The following MOK variants were observed in gnomAD, a reference collection of about 807,000 sequenced individuals.
MOK encodes MOK protein kinase.
Under a neutral mutation model 54.2 loss-of-function variants are expected in MOK, and 59 were observed. The observed-to-expected ratio is 1.09, with a 90% CI of 0.88 to 1.35. The LOEUF (loss-of-function observed/expected upper bound fraction) is 1.35, where lower values mean the gene tolerates loss of function less well. Ranked by LOEUF, MOK falls within the 40% of genes most tolerant of loss-of-function variation. The pLI is 0.00. For missense variants in MOK, 517 were observed against 526.2 expected (o/e 0.98, Z 0.17); for synonymous variants, 210 against 202.7 (o/e 1.04, Z -0.31).
chr14:102,294,376 G>GCGGAGCTGGCAGTGAGC (rs1301463580), intron 1 of MOK, among the ~76,000 whole-genome samples: 1 of 151,634 alleles, frequency 6.6e-6, no homozygotes, highest in Non-Finnish European at 1.5e-5. Flanking sequence ...AACCCGGGAG[G>GCGGAGCTGGCAGTGAGC]CGGAGCTGGC....
intron 2 of MOK, among the ~76,000 whole-genome samples, chr14:102,270,018 T>C (rs2068225866): frequency 6.6e-6 from 1 of 152,214 alleles, no homozygotes; most frequent in African/African-American, 2.4e-5. Context: ...ATATAGATAA[T>C]GTGCTGGACC....
At chr14:102,291,939 C>T (rs866358157) in intron 1 of MOK, among the ~76,000 whole-genome samples, 78 of 148,410 alleles carry the variant, frequency 5.3e-4, no homozygotes, top group Admixed American at 8.1e-4. Context: ...GCCTGGGCAA[C>T]AGAGCAAAAC....
chr14:102,295,879 T>G (rs2071364897), intron 1 of MOK, among the ~76,000 whole-genome samples: 1 of 152,230 alleles, frequency 6.6e-6, no homozygotes, highest in Non-Finnish European at 1.5e-5. Context: ...CTCACATCTG[T>G]AATCCTAACA....
downstream of MOK, among the ~76,000 whole-genome samples, chr14:102,220,870 G>A (rs1193562614): frequency 6.6e-6 from 1 of 152,154 alleles, no homozygotes; most frequent in Non-Finnish European, 1.5e-5. The surrounding 1 kb of genome is among the most constrained non-coding windows in gnomAD (Gnocchi z 4.2). Flanking sequence ...CTGGGCTCAA[G>A]CCATCCTCCT....
At chr14:102,275,594 G>A (rs1337517676) in intron 2 of MOK, among the ~76,000 whole-genome samples, 2 of 146,284 alleles carry the variant, frequency 1.4e-5, no homozygotes, top group East Asian at 2.0e-4. Context: ...ATGGATCACA[G>A]ACCTAAATGT....
rs149861570 is a variant in MOK at position 102,289,380 on chromosome 14, G to A, written c.8-5788C>T. On this transcript the variant is annotated intron_variant, in intron 1 of 11. Coordinates refer to ENST00000361847, the MANE Select transcript of MOK (RefSeq NM_014226.3). ...ATCTCATTAATGGCAGAATATGCAC[G>A]TCTACAAATCCCTACTGCTAAGGTG... 6.6e-5 allele frequency among the ~76,000 whole-genome samples: 10 copies of A among 152,230 alleles called. No homozygotes were observed. In the East Asian group the frequency reaches 1.3e-3, roughly 21 times the overall value.
the MOK span, among the ~76,000 whole-genome samples, chr14:102,217,482 C>T: frequency 6.6e-6 from 1 of 152,204 alleles, no homozygotes; most frequent in African/African-American, 2.4e-5. Flanking sequence ...TGGCCCCTCA[C>T]TGTCACCTGT....
chr14:102,234,436 C>G (rs998331046), intron 7 of MOK, among the ~76,000 whole-genome samples: 9 of 152,152 alleles, frequency 5.9e-5, no homozygotes, highest in African/African-American at 2.2e-4. Flanking sequence ...CGTCCATCTC[C>G]CATTTCCGAA....
At chr14:102,303,911 C>T (rs1404749150) in intron 1 of MOK, among the ~76,000 whole-genome samples, 2 of 152,072 alleles carry the variant, frequency 1.3e-5, no homozygotes, top group African/African-American at 4.8e-5. Flanking sequence ...ATTTTCAAAA[C>T]AAACAGATGG....
chr14:102,217,252 C>T, the MOK span, among the ~76,000 whole-genome samples: 7 of 152,196 alleles, frequency 4.6e-5, no homozygotes, highest in East Asian at 1.9e-4. Flanking sequence ...CAGCCCGGGC[C>T]GGTGCTGGTC....
intron 1 of MOK, among the ~76,000 whole-genome samples, chr14:102,285,559 T>C (rs187507793): frequency 7.4e-4 from 112 of 152,316 alleles, no homozygotes; most frequent in East Asian, 5.2e-3. Context: ...TAGCAAGAAA[T>C]ACAGAAGTAT....
the MOK span, among the ~76,000 whole-genome samples, chr14:102,217,404 G>A: frequency 2.0e-5 from 3 of 152,358 alleles, no homozygotes; most frequent in Non-Finnish European, 4.4e-5. Flanking sequence ...GAAGTCTGAA[G>A]AGTACAATCC....
Position 102,256,551 on chromosome 14 carries a change from A to G in MOK, c.284-4556T>C, listed in dbSNP as rs576914135. On this transcript the variant is annotated intron_variant, in intron 4 of 11. Transcript: ENST00000361847. ...ATCGCCACTGCACTCCAGCCTGGGCAACAGAGCGAGACTCCGTCTCAAAAA... is the reference window on the plus strand; with the variant it reads ...ATCGCCACTGCACTCCAGCCTGGGCGACAGAGCGAGACTCCGTCTCAAAAA... 2.0e-3 allele frequency among the ~76,000 whole-genome samples: 310 copies of G among 151,992 alleles called. 1 individual carries two copies. Among genetic ancestry groups the G allele is most frequent in the Non-Finnish European group, 3.8e-3 (256 of 67,942 alleles).
At chr14:102,293,701 CAAAAAAAAAAAAA>C (rs10598736) in intron 1 of MOK, among the ~76,000 whole-genome samples, 11 of 54,598 alleles carry the variant, frequency 2.0e-4, no homozygotes, top group African/African-American at 2.9e-4. Flanking sequence ...AACTCCATCA[CAAAAAAAAAAAAA>C]AAAAAAAAAA....
downstream of MOK, among the ~76,000 whole-genome samples, chr14:102,220,055 C>T (rs968523234): frequency 3.3e-5 from 5 of 152,246 alleles, no homozygotes; most frequent in East Asian, 7.7e-4. This position sits in a 1 kb window ranked among gnomAD's most constrained non-coding sequence, Gnocchi z 4.2. Flanking sequence ...CTGCAGCCCT[C>T]GCGTTGGGTC....
intron 2 of MOK, among the ~76,000 whole-genome samples, chr14:102,271,057 T>A (rs1597464240): frequency 1.3e-5 from 2 of 152,070 alleles, no homozygotes; most frequent in Admixed American, 1.3e-4. Context: ...TGGTGGCAGG[T>A]GCCTGCAATC....
At chr14:102,276,388 C>T (rs1384611230) in intron 2 of MOK, among the ~76,000 whole-genome samples, 1 of 151,978 alleles carries the variant, frequency 6.6e-6, no homozygotes, top group African/African-American at 2.4e-5. Context: ...ACTCAAGAGG[C>T]TGAGGCAAGA....
chr14:102,304,816 T>G, intron 1 of MOK, 146 bp downstream of exon 1: 1 of 854,640 alleles, frequency 1.2e-6, no homozygotes, highest in Non-Finnish European at 1.8e-6. Flanking sequence ...GGGGCCCACA[T>G]GCGGAGCCTC....
At chr14:102,222,913 G>C (rs369661256), downstream of MOK, 1 of 1,613,636 alleles carries the variant, frequency 6.2e-7, no homozygotes. The surrounding 1 kb of genome is among the most constrained non-coding windows in gnomAD (Gnocchi z 4.4). Context: ...ACAGTCTCCC[G>C]GGACTTGGAC....
Sources: allele counts gnomAD v4.1 joint callset (sites outside exome capture counted in the v4.1 genomes callset), GRCh38; gene constraint gnomAD v4.1.1; non-coding constraint Gnocchi (gnomAD v3.1); transcripts MANE v1.5; gene names NCBI Gene and HGNC (gene_info 2026-07-23, HGNC 2026-07-21).